Variants in BCAS3 observed in about 807,000 individuals in gnomAD.
BCAS3 encodes the protein BCAS4/BCAS3 fusion.
In BCAS3, 53 loss-of-function variants were observed where a neutral mutation model predicts 116.1. That is an observed-to-expected ratio of 0.46 (90% CI 0.37 to 0.57). The LOEUF (loss-of-function observed/expected upper bound fraction) is 0.57. Ranked by LOEUF, BCAS3 falls within the 20% of genes least tolerant of loss-of-function variation. The pLI is 0.00. For missense variants in BCAS3, 917 were observed against 1,165.4 expected (o/e 0.79, Z 3.10); for synonymous variants, 391 against 408.2 (o/e 0.96, Z 0.51).
chr17:61,168,397 T>C (rs1306303921), intron 22 of BCAS3, among the ~76,000 whole-genome samples: 6 of 152,190 alleles, frequency 3.9e-5, no homozygotes. Context: ...ATGGGCTGAC[T>C]CCATTTTGTG....
chr17:60,847,042 T>C (rs2052602506), intron 7 of BCAS3, among the ~76,000 whole-genome samples: 1 of 152,204 alleles, frequency 6.6e-6, no homozygotes, highest in South Asian at 2.1e-4. Context: ...TGACCTGTTC[T>C]GGGTATTTCA....
At chr17:60,987,383 A>G (rs1008170724) in intron 14 of BCAS3, among the ~76,000 whole-genome samples, 21 of 150,198 alleles carry the variant, frequency 1.4e-4, no homozygotes, top group Non-Finnish European at 1.5e-5. Context: ...AAAGAATGTC[A>G]TAGGTATTTT....
At chr17:61,062,108 T>C (rs1171010855) in intron 19 of BCAS3, among the ~76,000 whole-genome samples, 1 of 152,214 alleles carries the variant, frequency 6.6e-6, no homozygotes, top group Non-Finnish European at 1.5e-5. Flanking sequence ...ATATTGACTA[T>C]GGTGTGCTGC....
chr17:60,682,648 G>A (rs1032808396), intron 2 of BCAS3, among the ~76,000 whole-genome samples: 2 of 151,878 alleles, frequency 1.3e-5, no homozygotes, highest in Non-Finnish European at 2.9e-5. Context: ...TCAGCCTCCC[G>A]AGCAGCTGAA....
intron 6 of BCAS3, 84 bp from the exon 7 acceptor site, chr17:60,807,920 C>A: frequency 2.1e-6 from 2 of 936,828 alleles, no homozygotes; most frequent in Non-Finnish European, 3.3e-6. Flanking sequence ...TTCTCCTTTT[C>A]AAGTATTTTG....
chr17:60,953,980 T>G (rs1016658287), intron 14 of BCAS3, among the ~76,000 whole-genome samples: 1 of 152,150 alleles, frequency 6.6e-6, no homozygotes, highest in African/African-American at 2.4e-5. Flanking sequence ...GCAATCTACC[T>G]GCCTCGGTCT....
At chr17:61,159,978 G>A (rs2078071071) in intron 22 of BCAS3, among the ~76,000 whole-genome samples, 2 of 132,230 alleles carry the variant, frequency 1.5e-5, no homozygotes, top group Admixed American at 1.7e-4. Flanking sequence ...GAAAAAATAT[G>A]TGGTTGGCAT....
At chr17:60,784,973 T>C (rs2144509440) in intron 6 of BCAS3, among the ~76,000 whole-genome samples, 1 of 151,984 alleles carries the variant, frequency 6.6e-6, no homozygotes, top group East Asian at 2.0e-4. Context: ...GGCAGGCGCC[T>C]GTAATCCCAG....
At chr17:60,763,470 T>C (rs568621820) in intron 6 of BCAS3, among the ~76,000 whole-genome samples, 1 of 152,316 alleles carries the variant, frequency 6.6e-6, no homozygotes, top group Admixed American at 6.5e-5. Context: ...GTTTTTGTCT[T>C]TGGTTCTGTT....
chr17:61,225,281 C>T (rs1213058351), intron 22 of BCAS3, among the ~76,000 whole-genome samples: 3 of 151,836 alleles, frequency 2.0e-5, no homozygotes, highest in Admixed American at 6.6e-5. Flanking sequence ...ATAATAATCA[C>T]CCCTTTTCAC....
At chr17:61,075,093 G>A in intron 20 of BCAS3, 73 bp downstream of exon 20, 1 of 1,196,468 alleles carries the variant, frequency 8.4e-7, no homozygotes, top group African/African-American at 1.5e-5. Flanking sequence ...CTTTTCCTTA[G>A]AGGTAAAAGG....
chr17:61,295,501 C>A (rs75038036), intron 22 of BCAS3, among the ~76,000 whole-genome samples: 4,388 of 152,230 alleles, frequency 0.029, 213 homozygotes, highest in African/African-American at 0.099. Context: ...GCCAGGGGAA[C>A]TCCTTTCCTG....
At chr17:60,824,848 A>G (rs768049299) in intron 7 of BCAS3, among the ~76,000 whole-genome samples, 46 of 152,142 alleles carry the variant, frequency 3.0e-4, no homozygotes, top group Non-Finnish European at 2.5e-4. Flanking sequence ...GGTCATATAC[A>G]CATGCACAAA....
intron 14 of BCAS3, among the ~76,000 whole-genome samples, chr17:60,973,512 A>G (rs1218065553): frequency 2.0e-5 from 3 of 150,446 alleles, no homozygotes; most frequent in Admixed American, 2.0e-4. Context: ...CTCAGAAACA[A>G]CTTTCCTCCT....
intron 22 of BCAS3, among the ~76,000 whole-genome samples, chr17:61,329,340 A>ATTTTTTTTTTTTTTTTT (rs199612323): frequency 3.7e-5 from 4 of 109,416 alleles, no homozygotes; most frequent in African/African-American, 1.2e-4. Flanking sequence ...TATTATTATT[A>ATTTTTTTTTTTTTTTTT]TTATTTTTTT....
Position 61,044,508 on chromosome 17 carries a change from C to CAATT in BCAS3, c.2029+3617_2029+3618insATTA, listed in dbSNP as rs568553472. Among the ~76,000 whole-genome samples the CAATT allele has an allele frequency of 3.7e-3, 539 of 146,088 alleles. 5 individuals carry two copies. Among genetic ancestry groups the CAATT allele is most frequent in the African/African-American group, 0.013 (499 of 37,710 alleles). On this transcript the variant is annotated intron_variant, in intron 19 of 23. Transcript: ENST00000407086. The stretch of plus-strand genomic sequence containing the variant: ...ATAAGAACTTAACTCTTGTTTATAT[C>CAATT]AGTCAGTGGTAAAATGGGTTTTGTA...
At position 61,358,370 on chromosome 17, in the gene BCAS3, A is replaced by C. The variant is rs1015391924; in HGVS notation, c.2426-9957A>C. ...GTATAACTTTCTTAACAAATACCAT[A>C]TTGTAGGGCTGTGTTAAAATGGCAA... is the stretch of plus-strand genomic sequence containing the variant. On this transcript the variant is annotated intron_variant, in intron 22 of 23. Coordinates refer to ENST00000407086, the MANE Select transcript of BCAS3 (RefSeq NM_017679.5). 2.6e-5 allele frequency among the ~76,000 whole-genome samples: 4 copies of C among 151,978 alleles called. No individual in the cohort carries two copies. In the East Asian group the frequency reaches 5.8e-4, roughly 22 times the overall value.
At chr17:60,704,242 A>G (rs1431134521) in intron 4 of BCAS3, among the ~76,000 whole-genome samples, 2 of 152,240 alleles carry the variant, frequency 1.3e-5, no homozygotes, top group Admixed American at 6.5e-5. Context: ...CTATTCTGGG[A>G]AAAAAATGCC....
rs1294275906 is a variant in BCAS3 at position 61,391,041 on chromosome 17, GA to G, written c.2594-934del. On this transcript the variant is annotated intron_variant, in intron 23 of 23. Transcript: ENST00000407086. This position sits in a 1 kb window ranked among gnomAD's most constrained non-coding sequence, Gnocchi z 7.7. ...GAACTGACCACCTTCAAAAAGCCAAGAAGTAATTGGTTCTTCCTTGCACTCA... is the reference window on the plus strand; with the variant it reads ...GAACTGACCACCTTCAAAAAGCCAAGAGTAATTGGTTCTTCCTTGCACTCA... 7 of 152,264 alleles carry G rather than the reference GA, an allele frequency of 4.6e-5. No individual in the cohort carries two copies. The highest frequency in any genetic ancestry group is 1.7e-4 in the African/African-American group (7 of 41,458). The allele number at this position is 152,264 out of a possible 1,614,324, so 9.4% of individuals were successfully genotyped here.
Sources: allele counts gnomAD v4.1 joint callset (sites outside exome capture counted in the v4.1 genomes callset), GRCh38; gene constraint gnomAD v4.1.1; non-coding constraint Gnocchi (gnomAD v3.1); transcripts MANE v1.5; gene names NCBI Gene and HGNC (gene_info 2026-07-23, HGNC 2026-07-21).